The following GASK1B variants were observed in gnomAD, a reference collection of about 807,000 sequenced individuals.
The protein encoded by GASK1B is golgi associated kinase 1B.
In GASK1B, 34 loss-of-function variants were observed where a neutral mutation model predicts 42.8. The ratio of observed to expected loss-of-function variants is 0.79; its 90% CI spans 0.60 to 1.06. The LOEUF (loss-of-function observed/expected upper bound fraction) is 1.06. Ranked by LOEUF, GASK1B falls within the 50% of genes least tolerant of loss-of-function variation. The pLI, the probability that GASK1B is intolerant of heterozygous loss-of-function variation, is 0.00. For missense variants in GASK1B, 686 were observed against 661.0 expected, an observed-to-expected ratio of 1.04 and a Z score of -0.42; for synonymous variants, 262 against 259.1, an observed-to-expected ratio of 1.01 and a Z score of -0.11.
Position 158,155,800 on chromosome 4 carries a change from A to G in GASK1B, c.936T>C (p.Leu312=). The G allele has an allele frequency of 2.5e-6, 4 of 1,613,800 alleles. No individual in the cohort carries two copies. Among genetic ancestry groups the G allele is most frequent in the Non-Finnish European group, 3.4e-6 (4 of 1,179,750 alleles). ...IQDGRPCPII[L]WDASLSSASN... ...TTGCTGAAGATAAAGATGCATCCCA[A>G]AGAATGATGGGGCATGGGCGGCCAT... Residue 312 remains leucine (L), a synonymous_variant, in exon 3 of 5, where the codon CTT becomes CTC. Coordinates refer to ENST00000585682, the MANE Select transcript of GASK1B (RefSeq NM_001128424.2).
intron 2 of GASK1B, among the ~76,000 whole-genome samples, chr4:158,166,929 A>C (rs1732251139): frequency 6.6e-6 from 1 of 152,058 alleles, no homozygotes; most frequent in African/African-American, 2.4e-5. Context: ...TAGAAGACAA[A>C]AATTTTTGCT....
chr4:158,161,300 TA>T (rs1345022284), intron 2 of GASK1B, among the ~76,000 whole-genome samples: 8 of 152,098 alleles, frequency 5.3e-5, no homozygotes, highest in African/African-American at 1.9e-4. Flanking sequence ...AACTTAAAAT[TA>T]AATTAAATAA....
Position 158,136,751 on chromosome 4 carries a change from A to T in GASK1B, c.1126-5739T>A, listed in dbSNP as rs188889431. ...TTAAGATCCTCACCATCTCTTTTCA[A>T]ATGATTTGTTTTTAGCATTTAAAAA... On this transcript the variant is annotated intron_variant, in intron 3 of 4. Coordinates refer to ENST00000585682, the MANE Select transcript of GASK1B (RefSeq NM_001128424.2). 1.1e-4 allele frequency among the ~76,000 whole-genome samples: 16 copies of T among 152,294 alleles called. No individual in the cohort carries two copies. The East Asian group carries it at 3.1e-3, about 29-fold the overall frequency.
At chr4:158,151,807 T>C (rs1025944508) in intron 3 of GASK1B, among the ~76,000 whole-genome samples, 5 of 152,226 alleles carry the variant, frequency 3.3e-5, no homozygotes, top group African/African-American at 2.4e-5. Context: ...GTAATTGTGA[T>C]GGTTAATGTT....
chr4:158,144,390 C>G lies in GASK1B; in HGVS notation c.1125+11221G>C, dbSNP rs1007444496. ...GAAATACATATAGTAGAAACTGTGTCTAAGTCAGACTTTTGAATTTCATTT... is the reference window on the plus strand; with the variant it reads ...GAAATACATATAGTAGAAACTGTGTGTAAGTCAGACTTTTGAATTTCATTT... On this transcript the variant is annotated intron_variant, in intron 3 of 4. Coordinates refer to ENST00000585682, the MANE Select transcript of GASK1B (RefSeq NM_001128424.2). Among the ~76,000 whole-genome samples, 6 of 152,176 alleles carry G rather than the reference C, an allele frequency of 3.9e-5. 1 individual carries two copies. Among genetic ancestry groups the G allele is most frequent in the Admixed American group, 3.9e-4 (6 of 15,278 alleles).
At chr4:158,133,001 C>T (rs895674236) in intron 3 of GASK1B, among the ~76,000 whole-genome samples, 1 of 152,176 alleles carries the variant, frequency 6.6e-6, no homozygotes, top group African/African-American at 2.4e-5. Flanking sequence ...ATGAAAAAAG[C>T]ACAAATTAGA....
At chr4:158,143,984 C>T (rs1326561570) in intron 3 of GASK1B, among the ~76,000 whole-genome samples, 3 of 152,060 alleles carry the variant, frequency 2.0e-5, no homozygotes, top group Non-Finnish European at 4.4e-5. Context: ...ATAGCCCAAA[C>T]CCTTCTTTGA....
At chr4:158,135,887 AG>A (rs1358164562) in intron 3 of GASK1B, among the ~76,000 whole-genome samples, 6 of 152,276 alleles carry the variant, frequency 3.9e-5, no homozygotes, top group African/African-American at 1.4e-4. Flanking sequence ...CATGGAGGTA[AG>A]AAATCCAAAG....
In GASK1B at chr4:158,124,718, C is replaced by T. The variant is rs2110911109; in HGVS notation, c.*2689G>A. ...TGATGATATCAAATATATGCACACA[C>T]AAACACAATCCAACAAAATTCTTGA... is the stretch of plus-strand genomic sequence containing the variant. On this transcript the variant is annotated 3_prime_UTR_variant, in exon 5 of 5. Transcript: ENST00000585682. The T allele has an allele frequency of 6.6e-6, 1 of 152,248 alleles. No homozygotes were observed. Among genetic ancestry groups the T allele is most frequent in the African/African-American group, 2.4e-5 (1 of 41,552 alleles). 9.4% of individuals were successfully genotyped at this position (152,248 alleles called of 1,614,324 possible).
chr4:158,134,576 C>T (rs1730808353), intron 3 of GASK1B, among the ~76,000 whole-genome samples: 1 of 152,146 alleles, frequency 6.6e-6, no homozygotes, highest in Non-Finnish European at 1.5e-5. Context: ...TCACCATTTT[C>T]CATAAAATGA....
At chr4:158,133,782 C>T (rs1730774060) in intron 3 of GASK1B, among the ~76,000 whole-genome samples, 1 of 152,164 alleles carries the variant, frequency 6.6e-6, no homozygotes, top group Non-Finnish European at 1.5e-5. Flanking sequence ...TTGTGCCATT[C>T]AGATCTAAGA....
At chr4:158,145,571 A>C (rs554999818) in intron 3 of GASK1B, among the ~76,000 whole-genome samples, 3 of 152,166 alleles carry the variant, frequency 2.0e-5, no homozygotes, top group Non-Finnish European at 4.4e-5. Context: ...GTACTCACCT[A>C]ATTTCTGCAG....
At chr4:158,134,090 T>G (rs951111034) in intron 3 of GASK1B, among the ~76,000 whole-genome samples, 3 of 152,226 alleles carry the variant, frequency 2.0e-5, no homozygotes, top group Non-Finnish European at 2.9e-5. Flanking sequence ...GTTCTCTAGC[T>G]CTTCTCAGAA....
chr4:158,149,243 C>T (rs891812562), intron 3 of GASK1B, among the ~76,000 whole-genome samples: 9 of 152,126 alleles, frequency 5.9e-5, no homozygotes, highest in African/African-American at 1.7e-4. Context: ...ATCTATCATT[C>T]GTTTCATGCA....
intron 2 of GASK1B, among the ~76,000 whole-genome samples, chr4:158,165,361 T>C (rs1013951682): frequency 1.3e-5 from 2 of 152,212 alleles, no homozygotes; most frequent in African/African-American, 2.4e-5. Context: ...TCGAAATGTA[T>C]CAGGACCACA....
At chr4:158,153,854 CT>C (rs1731654202) in intron 3 of GASK1B, among the ~76,000 whole-genome samples, 1 of 152,094 alleles carries the variant, frequency 6.6e-6, no homozygotes, top group Admixed American at 6.6e-5. Flanking sequence ...CAAAAATCAA[CT>C]CAAGATGGAT....
In GASK1B at chr4:158,171,459, G is replaced by A. The variant is rs1732535568; in HGVS notation, c.-84C>T. Reference sequence around the variant, plus strand: ...TGTGATGCATGGTTTCCTGACTTCAGCTGCCGCGTCCGCTTCGGGATATAA... The same window carrying A: ...TGTGATGCATGGTTTCCTGACTTCAACTGCCGCGTCCGCTTCGGGATATAA... On this transcript the variant is annotated 5_prime_UTR_variant, in exon 2 of 5. Coordinates refer to ENST00000585682, the MANE Select transcript of GASK1B (RefSeq NM_001128424.2). 7.0e-7 allele frequency: 1 copy of A among 1,428,718 alleles called. No homozygotes were observed. The highest frequency in any genetic ancestry group is 9.3e-7 in the Non-Finnish European group (1 of 1,078,460). The allele number at this position is 1,428,718 out of a possible 1,614,324, so 88.5% of individuals were successfully genotyped here. A position where few individuals can be genotyped will look rare whatever the true frequency, so the allele number is the denominator to read the frequency against.
intron 3 of GASK1B, among the ~76,000 whole-genome samples, chr4:158,145,394 G>A (rs1170975131): frequency 6.6e-6 from 1 of 152,100 alleles, no homozygotes; most frequent in Non-Finnish European, 1.5e-5. Context: ...TATTCTTGTT[G>A]TCTATTGAAT....
chr4:158,158,635 A>T (rs1218222268), intron 2 of GASK1B, among the ~76,000 whole-genome samples: 1 of 152,128 alleles, frequency 6.6e-6, no homozygotes, highest in South Asian at 2.1e-4. Flanking sequence ...ATTTTATAAA[A>T]GGCAGAGAGT....
Sources: allele counts gnomAD v4.1 joint callset (sites outside exome capture counted in the v4.1 genomes callset), GRCh38; gene constraint gnomAD v4.1.1; transcripts MANE v1.5; gene names NCBI Gene and HGNC (gene_info 2026-07-23, HGNC 2026-07-21).